The following SMS variants were observed in gnomAD, a reference collection of about 807,000 sequenced individuals.
The protein encoded by SMS is spermine synthase.
A neutral mutation model predicts 33.0 loss-of-function variants in SMS; 3 were observed. That is an observed-to-expected ratio of 0.09 (90% CI 0.04 to 0.23). The LOEUF is 0.23. Ranked by LOEUF, SMS falls within the 10% of genes least tolerant of loss-of-function variation. The pLI, the probability that SMS is intolerant of heterozygous loss-of-function variation, is 1.00. For synonymous variants in SMS, 103 were observed against 112.2 expected, an observed-to-expected ratio of 0.92 and a Z score of 0.52; for missense variants, 117 against 288.6, an observed-to-expected ratio of 0.41 and a Z score of 4.31.
intron 7 of SMS, 45 bp downstream of exon 7, chrX:21,979,011 T>C: frequency 2.2e-6 from 2 of 922,350 alleles, no homozygotes; most frequent in Non-Finnish European, 3.2e-6. Flanking sequence ...ACTAATAATA[T>C]AAGTTATTGA....
intron 7 of SMS, among the ~76,000 whole-genome samples, chrX:21,982,888 C>T (rs1925061796): frequency 8.9e-6 from 1 of 112,131 alleles, no homozygotes; most frequent in Non-Finnish European, 1.9e-5. Flanking sequence ...CTATATTTTT[C>T]CATAGTTGGA....
At chrX:21,969,895 A>G (rs765863212) in intron 2 of SMS, among the ~76,000 whole-genome samples, 13 of 112,428 alleles carry the variant, frequency 1.2e-4, no homozygotes, top group Non-Finnish European at 2.3e-4. Flanking sequence ...GCTTACTGCA[A>G]CCTCTGCCTC....
At position 21,984,423 on chromosome X, in the gene SMS, A is replaced by G; in HGVS notation, c.865+5A>G. On this transcript the variant is annotated splice_donor_5th_base_variant and intron_variant, in intron 8 of 10. Coordinates refer to ENST00000404933, the MANE Select transcript of SMS (RefSeq NM_004595.5). ...TCTCCACGTCTCCAGAAGAAGGTAG[A>G]TTTTTTTAACCAAGATATTTATGAT... 1 of 1,050,441 alleles carries G rather than the reference A, an allele frequency of 9.5e-7. No individual in the cohort carries two copies. The highest frequency in any genetic ancestry group is 1.9e-5 in the South Asian group (1 of 53,588). 86.6% of individuals were successfully genotyped at this position (1,050,441 alleles called of 1,213,427 possible).
intron 7 of SMS, among the ~76,000 whole-genome samples, chrX:21,982,559 C>G (rs1286285377): frequency 8.9e-6 from 1 of 112,040 alleles, no homozygotes; most frequent in Non-Finnish European, 1.9e-5. Flanking sequence ...TTTGAGCACA[C>G]AGCCCACAGT....
intron 10 of SMS, 69 bp from the exon 11 acceptor site, chrX:21,994,243 C>A (rs1925941441): frequency 1.0e-6 from 1 of 1,003,760 alleles, no homozygotes; most frequent in Admixed American, 2.2e-5. Context: ...TGTAGGCCAG[C>A]AAACGAATTA....
At chrX:21,945,696 C>G (rs1263996822) in intron 1 of SMS, among the ~76,000 whole-genome samples, 1 of 97,755 alleles carries the variant, frequency 1.0e-5, no homozygotes, top group Non-Finnish European at 2.0e-5. Context: ...ATGGCACGAT[C>G]TCAGTGTAAC....
chrX:21,959,317 C>T (rs1923180779), intron 1 of SMS, among the ~76,000 whole-genome samples: 1 of 111,779 alleles, frequency 8.9e-6, no homozygotes, highest in African/African-American at 3.3e-5. Context: ...TTTTGCATAT[C>T]ACTTGATTTC....
Position 21,965,509 on chromosome X carries a change from G to A in SMS, c.50-1687G>A, listed in dbSNP as rs547811291. Among the ~76,000 whole-genome samples, 10 of 105,262 alleles carry A rather than the reference G, an allele frequency of 9.5e-5. No individual in the cohort carries two copies. The South Asian group carries it at 3.8e-3, about 40-fold the overall frequency. 91.4% of individuals were successfully genotyped at this position (105,262 alleles called of 115,157 possible). Reference sequence around the variant, plus strand: ...CAAAAATTAGTTGGACATGGGCCGGGCGCGGCGGATCACAAGGTCAGGAGA... The same window carrying A: ...CAAAAATTAGTTGGACATGGGCCGGACGCGGCGGATCACAAGGTCAGGAGA... On this transcript the variant is annotated intron_variant, in intron 1 of 10. Transcript: ENST00000404933.
rs568014907 is a variant in SMS at position 21,990,290 on chromosome X, A to T, written c.946-2307A>T. On this transcript the variant is annotated intron_variant, in intron 9 of 10. Transcript: ENST00000404933. ...ACTTCAGCCTGGGCAACACAGCAAG[A>T]CCCTGTCTCTGAAAAGAAATTAAAA... 1.7e-3 allele frequency among the ~76,000 whole-genome samples: 190 copies of T among 112,178 alleles called. 5 individuals carry two copies. The South Asian group carries it at 0.066, about 39-fold the overall frequency.
At chrX:21,973,454 T>C (rs1924322998) in intron 4 of SMS, among the ~76,000 whole-genome samples, 1 of 112,412 alleles carries the variant, frequency 8.9e-6, no homozygotes, top group African/African-American at 3.2e-5. Context: ...ACAAAACAAA[T>C]ACCTGACTTC....
At chrX:21,983,415 A>C (rs1194463157) in intron 7 of SMS, among the ~76,000 whole-genome samples, 1 of 109,864 alleles carries the variant, frequency 9.1e-6, no homozygotes, top group Non-Finnish European at 1.9e-5. Context: ...TTTTTTTTGA[A>C]TTAGAAAACT....
At chrX:21,960,776 A>G (rs1166328163) in intron 1 of SMS, among the ~76,000 whole-genome samples, 1 of 111,563 alleles carries the variant, frequency 9.0e-6, no homozygotes, top group East Asian at 2.8e-4. Context: ...AACACACAAG[A>G]CAGTTGGAGT....
intron 7 of SMS, among the ~76,000 whole-genome samples, chrX:21,980,437 T>A (rs1259211698): frequency 3.8e-5 from 3 of 78,377 alleles, no homozygotes; most frequent in Admixed American, 1.6e-4. Context: ...AAAATATATA[T>A]ATATATATAT....
intron 1 of SMS, among the ~76,000 whole-genome samples, chrX:21,966,050 G>A (rs1283929233): frequency 3.6e-5 from 4 of 112,188 alleles, no homozygotes; most frequent in African/African-American, 1.3e-4. Context: ...CAGTGGCCTT[G>A]GGAACACAGT....
chrX:21,988,630 A>G (rs1209408051), intron 9 of SMS, among the ~76,000 whole-genome samples: 4 of 101,913 alleles, frequency 3.9e-5, no homozygotes, highest in Non-Finnish European at 7.9e-5. Flanking sequence ...ACGCCACTGC[A>G]GTCCAGCCTG....
rs1265936160 is a variant in SMS, at chrX:21,987,437, T to C, written c.945+2214T>C. ...GCCTCAACCTCCCAGACTGAAGTGA[T>C]CATCCTGCTTTGCCCTCCCAAAGTG... On this transcript the variant is annotated intron_variant, in intron 9 of 10. Coordinates refer to ENST00000404933, the MANE Select transcript of SMS (RefSeq NM_004595.5). Among the ~76,000 whole-genome samples, 3 of 112,267 alleles carry C rather than the reference T, an allele frequency of 2.7e-5. No homozygotes were observed. In the Admixed American group the frequency reaches 2.8e-4, roughly 11 times the overall value.
In SMS at chrX:21,978,894, T is replaced by G; in HGVS notation, c.678T>G (p.Ile226Met). Residue 226 changes from isoleucine (I) to methionine (M), a missense_variant, in exon 7 of 11, where the codon ATT becomes ATG. By Grantham distance (10) the Ile-to-Met change is conservative. Transcript: ENST00000404933. ...VTMVEIDQMVIDGCKKYMRKT... is the reference protein window; with the variant it reads ...VTMVEIDQMVMDGCKKYMRKT... ...TTGCGGACATTGACCAAATGGTGAT[T>G]GATGGGTGTAAGAAATACATGCGAA... 5 of 1,206,627 alleles carry G rather than the reference T, an allele frequency of 4.1e-6. No individual in the cohort carries two copies. The highest frequency in any genetic ancestry group is 5.6e-6 in the Non-Finnish European group (5 of 890,798).
intron 1 of SMS, among the ~76,000 whole-genome samples, chrX:21,957,987 T>TTGAG (rs1262193607): frequency 9.0e-6 from 1 of 110,622 alleles, no homozygotes; most frequent in Non-Finnish European, 1.9e-5. Context: ...GCTGATTTAT[T>TTGAG]TGAGTTCCTT....
At chrX:21,986,880 T>G (rs1159829348) in intron 9 of SMS, among the ~76,000 whole-genome samples, 3 of 111,930 alleles carry the variant, frequency 2.7e-5, no homozygotes, top group African/African-American at 9.8e-5. Context: ...GCCTAAAATA[T>G]TTTCTATCAG....
Sources: allele counts gnomAD v4.1 joint callset (sites outside exome capture counted in the v4.1 genomes callset), GRCh38; gene constraint gnomAD v4.1.1; transcripts MANE v1.5; gene names NCBI Gene and HGNC (gene_info 2026-07-23, HGNC 2026-07-21).